The following DPF3 variants were observed in gnomAD, a reference collection of about 807,000 sequenced individuals.
The protein encoded by DPF3 is double PHD fingers 3.
In DPF3, 18 loss-of-function variants were observed where a neutral mutation model predicts 56.8. The observed-to-expected ratio is 0.32, with a 90% CI of 0.22 to 0.47. DPF3 has a LOEUF of 0.47. Among genes scored for constraint, DPF3 ranks in the 20% least tolerant of loss-of-function variants. The pLI is 1.00. For synonymous variants in DPF3, 188 were observed against 180.2 expected (o/e 1.04, Z -0.35); for missense variants, 403 against 488.8 (o/e 0.82, Z 1.65).
intron 1 of DPF3, among the ~76,000 whole-genome samples, chr14:72,871,854 C>T (rs1375073447): frequency 6.6e-6 from 1 of 152,240 alleles, no homozygotes; most frequent in African/African-American, 2.4e-5. Context: ...CCTCTTCTCA[C>T]AGCTCCACTA....
intron 8 of DPF3, among the ~76,000 whole-genome samples, chr14:72,667,759 T>G (rs975993952): frequency 6.6e-6 from 1 of 152,258 alleles, no homozygotes; most frequent in African/African-American, 2.4e-5. Flanking sequence ...GAAATTTCTT[T>G]TAATGACGTT....
intron 8 of DPF3, among the ~76,000 whole-genome samples, chr14:72,630,139 A>T (rs544976215): frequency 2.6e-5 from 4 of 152,136 alleles, no homozygotes; most frequent in Non-Finnish European, 5.9e-5. Context: ...AACTATTTGG[A>T]GCTGGGCCTT....
intron 1 of DPF3, chr14:72,853,381 T>C (rs796867367): frequency 3.9e-5 from 6 of 152,022 alleles, no homozygotes; most frequent in African/African-American, 1.4e-4. Context: ...AAAGTTACTC[T>C]AAGATCATCT....
chr14:72,610,715 G>A lies in DPF3; in HGVS notation c.*8582C>T, dbSNP rs1165085336. On this transcript the variant is annotated 3_prime_UTR_variant, in exon 11 of 11. Transcript: ENST00000556509. ...CAGCCTGAGAGCGCGCTCAAGGGCA[G>A]GTGGGAGATGGAGCCTTCTCAGAGC... Among the ~76,000 whole-genome samples the A allele has an allele frequency of 6.6e-6, 1 of 152,228 alleles. No individual in the cohort carries two copies. The highest frequency in any genetic ancestry group is 1.5e-5 in the Non-Finnish European group (1 of 68,042).
At chr14:72,636,778 A>G (rs1357554489) in intron 8 of DPF3, among the ~76,000 whole-genome samples, 1 of 152,236 alleles carries the variant, frequency 6.6e-6, no homozygotes, top group Non-Finnish European at 1.5e-5. Flanking sequence ...CAAATCGATG[A>G]TCACAATGGC....
chr14:72,872,856 A>G, intron 1 of DPF3, among the ~76,000 whole-genome samples: 1 of 152,228 alleles, frequency 6.6e-6, no homozygotes, highest in East Asian at 1.9e-4. Flanking sequence ...TGCTGGGAAA[A>G]CTGGCTAGCC....
At chr14:72,757,163 G>A (rs1890876201) in intron 2 of DPF3, among the ~76,000 whole-genome samples, 1 of 151,980 alleles carries the variant, frequency 6.6e-6, no homozygotes, top group Admixed American at 6.6e-5. Flanking sequence ...ATTGAAATGG[G>A]GAAGAAAAAA....
intron 7 of DPF3, among the ~76,000 whole-genome samples, chr14:72,677,614 T>C (rs1394146676): frequency 1.7e-5 from 2 of 120,300 alleles, no homozygotes; most frequent in African/African-American, 6.9e-5. Flanking sequence ...CCCTACAATC[T>C]GTGGGATGAG....
intron 3 of DPF3, among the ~76,000 whole-genome samples, chr14:72,746,338 C>A (rs1338340511): frequency 6.6e-6 from 1 of 152,226 alleles, no homozygotes; most frequent in African/African-American, 2.4e-5. Context: ...CAGGGCACTC[C>A]GACGGCCTCT....
chr14:72,630,653 G>T (rs1885115615), intron 8 of DPF3, among the ~76,000 whole-genome samples: 1 of 152,176 alleles, frequency 6.6e-6, no homozygotes, highest in African/African-American at 2.4e-5. Context: ...GGCATGGAAG[G>T]ATAACTTGGA....
chr14:72,649,624 A>T (rs1482626379), intron 8 of DPF3, among the ~76,000 whole-genome samples: 1 of 130,478 alleles, frequency 7.7e-6, no homozygotes, highest in Non-Finnish European at 1.6e-5. Flanking sequence ...ACTCTTTAAA[A>T]GATGCAGAAA....
chr14:72,865,924 G>A (rs1885644605), intron 1 of DPF3, among the ~76,000 whole-genome samples: 1 of 152,156 alleles, frequency 6.6e-6, no homozygotes, highest in South Asian at 2.1e-4. Flanking sequence ...ATGTGCACCT[G>A]TAATCCCAGC....
chr14:72,683,268 A>G (rs1354949305), intron 7 of DPF3, among the ~76,000 whole-genome samples: 1 of 146,118 alleles, frequency 6.8e-6, no homozygotes, highest in Non-Finnish European at 1.5e-5. Flanking sequence ...TGGAGGTTGC[A>G]GTGAGCCGAG....
intron 8 of DPF3, among the ~76,000 whole-genome samples, chr14:72,637,549 T>C (rs1163248913): frequency 1.3e-5 from 2 of 152,226 alleles, no homozygotes; most frequent in African/African-American, 2.4e-5. Context: ...TCCAAACCCC[T>C]GCCCTCAATT....
rs533710708 is a variant in DPF3 at position 72,645,797 on chromosome 14, C to G, written c.872-16061G>C. Among the ~76,000 whole-genome samples, 35 of 152,178 alleles carry G rather than the reference C, an allele frequency of 2.3e-4. No individual in the cohort carries two copies. In the East Asian group the frequency reaches 5.8e-3, roughly 25 times the overall value. On this transcript the variant is annotated intron_variant, in intron 8 of 10. Coordinates refer to ENST00000556509, the MANE Select transcript of DPF3 (RefSeq NM_001280542.3). ...CACACCCTCAACGCTCCTACACCCC[C>G]CACCCCCCAAAAAACCACTCTTCTT...
chr14:72,625,801 C>G (rs1884790158), intron 9 of DPF3, among the ~76,000 whole-genome samples: 1 of 152,190 alleles, frequency 6.6e-6, no homozygotes, highest in Non-Finnish European at 1.5e-5. Context: ...CTATTCCAAA[C>G]CAATGCCTTC....
chr14:72,714,139 C>A (rs746947955), intron 6 of DPF3, among the ~76,000 whole-genome samples: 1 of 152,120 alleles, frequency 6.6e-6, no homozygotes, highest in Non-Finnish European at 1.5e-5. Flanking sequence ...GAGAGAGAGC[C>A]GGAGGAGAGC....
At chr14:72,779,054 C>T (rs1891864029) in intron 1 of DPF3, among the ~76,000 whole-genome samples, 2 of 152,198 alleles carry the variant, frequency 1.3e-5, no homozygotes, top group Non-Finnish European at 2.9e-5. Context: ...GCCTGGCCTT[C>T]TTGCTGATTT....
intron 7 of DPF3, among the ~76,000 whole-genome samples, chr14:72,675,925 T>C (rs1438660355): frequency 6.6e-6 from 1 of 152,178 alleles, no homozygotes; most frequent in Non-Finnish European, 1.5e-5. Flanking sequence ...TTGCAAATAA[T>C]CTCCAAAAAG....
Sources: gnomAD v4.1 joint callset for allele counts (sites outside exome capture counted in the v4.1 genomes callset) on GRCh38, gnomAD v4.1.1 for gene constraint, MANE v1.5 for transcripts, NCBI Gene and HGNC (gene_info 2026-07-23, HGNC 2026-07-21) for gene names.